The following BCKDK variants were observed in gnomAD, a reference collection of about 807,000 sequenced individuals.
BCKDK encodes the protein branched-chain alpha-ketoacid dehydrogenase kinase.
In BCKDK, 28 loss-of-function variants were observed where a neutral mutation model predicts 43.9. The ratio of observed to expected loss-of-function variants is 0.64; its 90% confidence interval spans 0.47 to 0.87. The LOEUF is 0.87. Ranked by LOEUF, BCKDK falls within the 40% of genes least tolerant of loss-of-function variation. BCKDK has a pLI of 0.00. For missense variants in BCKDK, 483 were observed against 581.4 expected, an observed-to-expected ratio of 0.83 and a Z score of 1.74; for synonymous variants, 257 against 234.3, an observed-to-expected ratio of 1.10 and a Z score of -0.88.
chr16:31,116,439 C>T (rs1451456954), downstream of BCKDK, among the ~76,000 whole-genome samples: 1 of 150,952 alleles, frequency 6.6e-6, no homozygotes, highest in Non-Finnish European at 1.5e-5. Context: ...TCTCGATCTC[C>T]GCCCGCCTCG....
chr16:31,113,159 C>T (rs1171120724), downstream of BCKDK, among the ~76,000 whole-genome samples: 1 of 152,210 alleles, frequency 6.6e-6, no homozygotes, highest in African/African-American at 2.4e-5. Flanking sequence ...CCCTACCCAC[C>T]TTGCCAGGGA....
downstream of BCKDK, among the ~76,000 whole-genome samples, chr16:31,115,602 C>T (rs1278225876): frequency 6.6e-6 from 1 of 152,090 alleles, no homozygotes; most frequent in Non-Finnish European, 1.5e-5. Context: ...TTATAGCTCA[C>T]TCAGCCTCGA....
downstream of BCKDK, among the ~76,000 whole-genome samples, chr16:31,113,332 T>C (rs2143949520): frequency 6.6e-6 from 1 of 152,278 alleles, no homozygotes; most frequent in East Asian, 1.9e-4. Flanking sequence ...GGAAGCCAAA[T>C]GGCAGGGGCT....
At position 31,108,953 on chromosome 16, in the gene BCKDK, C is replaced by A; in HGVS notation, c.-177-94C>A. The A allele has an allele frequency of 3.1e-6, 1 of 324,206 alleles. No homozygotes were observed. The highest frequency in any genetic ancestry group is 5.7e-6 in the Non-Finnish European group (1 of 176,390). 20.1% of individuals were successfully genotyped at this position (324,206 alleles called of 1,614,324 possible). A position where few individuals can be genotyped will look rare whatever the true frequency, so the allele number is the denominator to read the frequency against. On this transcript the variant is annotated intron_variant, in intron 1 of 11. Transcript: ENST00000219794. This position sits in a 1 kb window ranked among gnomAD's most constrained non-coding sequence, Gnocchi z 6.2. Reference sequence around the variant, plus strand: ...GACGGTGGGAGTGGTGGGGAGAGGTCGCCCGGGTCTGGGGAGACCGATGCA... The same window carrying A: ...GACGGTGGGAGTGGTGGGGAGAGGTAGCCCGGGTCTGGGGAGACCGATGCA...
Position 31,109,373 on chromosome 16 carries a change from C to A in BCKDK, c.150C>A (p.Val50=). 1 of 1,608,446 alleles carries A rather than the reference C, an allele frequency of 6.2e-7. No homozygotes were observed. Among genetic ancestry groups the A allele is most frequent in the Non-Finnish European group, 8.5e-7 (1 of 1,176,628 alleles). The change falls in exon 2 of 12, where the codon GTC becomes GTA. Residue 50 remains valine (V), a synonymous_variant. Transcript: ENST00000219794. The surrounding 1 kb of genome is among the most constrained non-coding windows in gnomAD (Gnocchi z 5.3). ...VEMARERSKT[V]TSFYNQSAID... ...TGGCTCGGGAGCGCTCCAAGACCGT[C>A]ACCTCCTTTTACAACCAGTCGGCCA...
In BCKDK at chr16:31,110,895, T is replaced by A; in HGVS notation, c.716+134T>A. On this transcript the variant is annotated intron_variant, in intron 8 of 11. Transcript: ENST00000219794. The surrounding 1 kb of genome is among the most constrained non-coding windows in gnomAD (Gnocchi z 5.4). Reference sequence around the variant, plus strand: ...GGCACTATTGACATTTCCAGCCAGATAATTCTTTGTCACAGGGGCTGCCCC... The same window carrying A: ...GGCACTATTGACATTTCCAGCCAGAAAATTCTTTGTCACAGGGGCTGCCCC... 7.3e-7 allele frequency: 1 copy of A among 1,372,324 alleles called. No homozygotes were observed. The highest frequency in any genetic ancestry group is 1.0e-6 in the Non-Finnish European group (1 of 984,260). 85.0% of individuals were successfully genotyped at this position (1,372,324 alleles called of 1,614,324 possible).
At chr16:31,117,398 A>AAATAAATAAATAAATAAATAAATT (rs377332555), downstream of BCKDK, 71 of 234,360 alleles carry the variant, frequency 3.0e-4, 2 homozygotes, top group East Asian at 2.8e-4. Flanking sequence ...ATAAATAAAT[A>AAATAAATAAATAAATAAATAAATT]AATTAAAAAA....
chr16:31,110,142 G>A lies in BCKDK; in HGVS notation c.423+18G>A. The A allele has an allele frequency of 6.2e-7, 1 of 1,614,212 alleles. No homozygotes were observed. The highest frequency in any genetic ancestry group is 8.5e-7 in the Non-Finnish European group (1 of 1,180,040). ...TCCCTCCGGTGAGTGCTGGGCCAGA[G>A]CAGGGTGAGGGGCTGAGAGGTTGGG... On this transcript the variant is annotated intron_variant, in intron 5 of 11. Coordinates refer to ENST00000219794, the MANE Select transcript of BCKDK (RefSeq NM_005881.4). This position sits in a 1 kb window ranked among gnomAD's most constrained non-coding sequence, Gnocchi z 5.4.
In BCKDK at chr16:31,112,057, G is replaced by T; in HGVS notation, c.1094+30G>T. 2.5e-6 allele frequency: 4 copies of T among 1,613,096 alleles called. No homozygotes were observed. Among genetic ancestry groups the T allele is most frequent in the Non-Finnish European group, 3.4e-6 (4 of 1,179,458 alleles). ...GACCCTGCCAGGCCAGGATGGAGGG[G>T]TGGGGGACCCCAGGAGACTCAAGCC... is the stretch of plus-strand genomic sequence containing the variant. On this transcript the variant is annotated intron_variant, in intron 11 of 11. Coordinates refer to ENST00000219794, the MANE Select transcript of BCKDK (RefSeq NM_005881.4). The surrounding 1 kb of genome is among the most constrained non-coding windows in gnomAD (Gnocchi z 5.0).
At position 31,110,647 on chromosome 16, in the gene BCKDK, G is replaced by A. The variant is rs756453432; in HGVS notation, c.643-41G>A. The A allele has an allele frequency of 7.5e-6, 12 of 1,607,420 alleles. No homozygotes were observed. Among genetic ancestry groups the A allele is most frequent in the Non-Finnish European group, 9.4e-6 (11 of 1,174,120 alleles). Reference sequence around the variant, plus strand: ...GAAGTTGCCAGCATCTTGGGGTGGGGCTAGGGGCGTGGGTAGTCCTGACCT... The same window carrying A: ...GAAGTTGCCAGCATCTTGGGGTGGGACTAGGGGCGTGGGTAGTCCTGACCT... On this transcript the variant is annotated intron_variant, in intron 7 of 11. Transcript: ENST00000219794. The surrounding 1 kb of genome is among the most constrained non-coding windows in gnomAD (Gnocchi z 5.4).
At position 31,112,034 on chromosome 16, in the gene BCKDK, C is replaced by A. The variant is rs780604144; in HGVS notation, c.1094+7C>A. 3.1e-6 allele frequency: 5 copies of A among 1,613,820 alleles called. No individual in the cohort carries two copies. The highest frequency in any genetic ancestry group is 3.3e-5 in the Admixed American group (2 of 59,982). ...AGTCAGGACCCATGCACGGGTGAGA[C>A]CCTGCCAGGCCAGGATGGAGGGGTG... is the stretch of plus-strand genomic sequence containing the variant. On this transcript the variant is annotated splice_region_variant and intron_variant, in intron 11 of 11. Coordinates refer to ENST00000219794, the MANE Select transcript of BCKDK (RefSeq NM_005881.4). This position sits in a 1 kb window ranked among gnomAD's most constrained non-coding sequence, Gnocchi z 5.0.
chr16:31,114,393 A>C (rs2143950996), downstream of BCKDK, among the ~76,000 whole-genome samples: 1 of 141,124 alleles, frequency 7.1e-6, no homozygotes, highest in East Asian at 2.3e-4. Context: ...TTCTATTTTT[A>C]GTAGAGATGG....
intron 8 of BCKDK, 72 bp from the exon 9 acceptor site, chr16:31,111,019 G>T: frequency 6.3e-7 from 1 of 1,592,330 alleles, no homozygotes; most frequent in South Asian, 1.1e-5. Flanking sequence ...GTTACTTAGG[G>T]GGGCAGAATT....
chr16:31,110,285 C>T lies in BCKDK; in HGVS notation c.504C>T (p.Leu168=). Residue 168 remains leucine, a synonymous_variant, in exon 6 of 12, where the codon CTC becomes CTT. Transcript: ENST00000219794. The surrounding 1 kb of genome is among the most constrained non-coding windows in gnomAD (Gnocchi z 5.4). ...ATGACCACAAGGATGTGGTGACCCT[C>T]TTGGCAGAGGGCCTACGTGAGAGCC... ...LLDDHKDVVT[L]LAEGLRESRK... 6.2e-7 allele frequency: 1 copy of T among 1,614,012 alleles called. No homozygotes were observed. Among genetic ancestry groups the T allele is most frequent in the Non-Finnish European group, 8.5e-7 (1 of 1,179,996 alleles).
At chr16:31,117,142 C>G (rs982934436), downstream of BCKDK, among the ~76,000 whole-genome samples, 2 of 152,034 alleles carry the variant, frequency 1.3e-5, no homozygotes, top group Non-Finnish European at 1.5e-5. Context: ...GAGGTTGAGG[C>G]TGGCAGATCA....
chr16:31,117,563 G>T, downstream of BCKDK: 1 of 800,064 alleles, frequency 1.2e-6, no homozygotes. Context: ...GAAGCCAATC[G>T]GCTCCTGCTA....
At position 31,109,902 on chromosome 16, in the gene BCKDK, A is replaced by C. The variant is rs1596808917; in HGVS notation, c.375+119A>C. 7.3e-7 allele frequency: 1 copy of C among 1,374,290 alleles called. No individual in the cohort carries two copies. The highest frequency in any genetic ancestry group is 2.3e-5 in the East Asian group (1 of 42,560). 85.1% of individuals were successfully genotyped at this position (1,374,290 alleles called of 1,614,324 possible). A position where few individuals can be genotyped will look rare whatever the true frequency, so the allele number is the denominator to read the frequency against. On this transcript the variant is annotated intron_variant, in intron 4 of 11. Coordinates refer to ENST00000219794, the MANE Select transcript of BCKDK (RefSeq NM_005881.4). The surrounding 1 kb of genome is among the most constrained non-coding windows in gnomAD (Gnocchi z 5.3). ...AAGGTGTCAGGGCCACACAGGATTC[A>C]ACCCCAGGCCTTCAGAAGCCAAAGG...
At position 31,110,060 on chromosome 16, in the gene BCKDK, A is replaced by G; in HGVS notation, c.376-17A>G. 1 of 1,614,020 alleles carries G rather than the reference A, an allele frequency of 6.2e-7. No homozygotes were observed. The highest frequency in any genetic ancestry group is 8.5e-7 in the Non-Finnish European group (1 of 1,180,002). On this transcript the variant is annotated splice_polypyrimidine_tract_variant and intron_variant, in intron 4 of 11. Transcript: ENST00000219794. This position sits in a 1 kb window ranked among gnomAD's most constrained non-coding sequence, Gnocchi z 5.4. Reference sequence around the variant, plus strand: ...TGCCCATGCGGCTTTGTGAATTCCCACACCTCTTCCTTGCAGCATGAGCTA... The same window carrying G: ...TGCCCATGCGGCTTTGTGAATTCCCGCACCTCTTCCTTGCAGCATGAGCTA...
chr16:31,110,153 G>C lies in BCKDK; in HGVS notation c.423+29G>C, dbSNP rs902893901. 1 of 1,614,186 alleles carries C rather than the reference G, an allele frequency of 6.2e-7. No individual in the cohort carries two copies. On this transcript the variant is annotated intron_variant, in intron 5 of 11. Coordinates refer to ENST00000219794, the MANE Select transcript of BCKDK (RefSeq NM_005881.4). The surrounding 1 kb of genome is among the most constrained non-coding windows in gnomAD (Gnocchi z 5.4). Reference sequence around the variant, plus strand: ...AGTGCTGGGCCAGAGCAGGGTGAGGGGCTGAGAGGTTGGGCTTGGACCACC... The same window carrying C: ...AGTGCTGGGCCAGAGCAGGGTGAGGCGCTGAGAGGTTGGGCTTGGACCACC...
Sources: allele counts gnomAD v4.1 joint callset (sites outside exome capture counted in the v4.1 genomes callset), GRCh38; gene constraint gnomAD v4.1.1; non-coding constraint Gnocchi (gnomAD v3.1); transcripts MANE v1.5; gene names NCBI Gene and HGNC (gene_info 2026-07-23, HGNC 2026-07-21).